Variants in PDE1A observed in about 807,000 individuals in gnomAD.
PDE1A encodes the protein phosphodiesterase 1A.
A neutral mutation model predicts 61.7 loss-of-function variants in PDE1A; 35 were observed. The ratio of observed to expected loss-of-function variants is 0.57; its 90% CI spans 0.43 to 0.75. The LOEUF is 0.75. PDE1A is among the 30% of genes least tolerant of loss of function. PDE1A has a pLI of 0.00. For missense variants in PDE1A, 597 were observed against 630.6 expected, an observed-to-expected ratio of 0.95 and a Z score of 0.57; for synonymous variants, 232 against 213.2, an observed-to-expected ratio of 1.09 and a Z score of -0.77.
At chr2:182,189,879 C>G (rs537639836) in intron 10 of PDE1A, among the ~76,000 whole-genome samples, 1 of 152,260 alleles carries the variant, frequency 6.6e-6, no homozygotes, top group Non-Finnish European at 1.5e-5. Flanking sequence ...CTTCCTTGTT[C>G]TTGTTCATTT....
At chr2:182,313,596 A>G (rs1379280116) in intron 1 of PDE1A, among the ~76,000 whole-genome samples, 1 of 152,168 alleles carries the variant, frequency 6.6e-6, no homozygotes, top group Non-Finnish European at 1.5e-5. Flanking sequence ...TCTAGTTGAC[A>G]CTTAATTTTA....
At chr2:182,707,604 TCC>T in the PDE1A span, among the ~76,000 whole-genome samples, 6 of 152,250 alleles carry the variant, frequency 3.9e-5, no homozygotes, top group African/African-American at 1.4e-4. Flanking sequence ...ATCTGAATGG[TCC>T]TATATCTAGC....
At chr2:182,382,785 A>AT (rs1399250536) in intron 1 of PDE1A, among the ~76,000 whole-genome samples, 2 of 152,026 alleles carry the variant, frequency 1.3e-5, no homozygotes, top group Non-Finnish European at 2.9e-5. Flanking sequence ...CTTAACATCT[A>AT]TTTTTTTCTA....
the PDE1A span, among the ~76,000 whole-genome samples, chr2:182,638,336 C>T: frequency 1.3e-5 from 2 of 151,992 alleles, no homozygotes; most frequent in East Asian, 3.9e-4. Flanking sequence ...GTCAGAAGTT[C>T]GAGACCAGCC....
chr2:182,197,302 C>A (rs1172281167), intron 10 of PDE1A, among the ~76,000 whole-genome samples: 1 of 151,686 alleles, frequency 6.6e-6, no homozygotes, highest in African/African-American at 2.4e-5. Context: ...CAATTGGACA[C>A]AAGTCCTTGG....
chr2:182,631,328 C>CT, the PDE1A span, among the ~76,000 whole-genome samples: 2 of 151,568 alleles, frequency 1.3e-5, no homozygotes, highest in African/African-American at 4.9e-5. Flanking sequence ...TATTATTATA[C>CT]TTTAAGTTTT....
chr2:182,679,188 A>ATTTTTTT, the PDE1A span, among the ~76,000 whole-genome samples: 1 of 141,698 alleles, frequency 7.1e-6, no homozygotes, highest in African/African-American at 2.8e-5. Flanking sequence ...TATTATTATT[A>ATTTTTTT]TTATTTTTTT....
chr2:182,491,549 A>G (rs1195596695), intron 2 of PDE1A, among the ~76,000 whole-genome samples: 1 of 152,170 alleles, frequency 6.6e-6, no homozygotes, highest in Non-Finnish European at 1.5e-5. Flanking sequence ...GGTCACTTGA[A>G]ATTTAGATTT....
chr2:182,405,066 T>C (rs943486926), intron 1 of PDE1A, among the ~76,000 whole-genome samples: 12 of 152,224 alleles, frequency 7.9e-5, no homozygotes, highest in African/African-American at 2.9e-4. Context: ...ATGTGAGTAA[T>C]GCATTGTGCT....
the PDE1A span, among the ~76,000 whole-genome samples, chr2:182,596,354 C>A: frequency 6.6e-6 from 1 of 152,086 alleles, no homozygotes; most frequent in African/African-American, 2.4e-5. Context: ...AGGGCATGCA[C>A]CCACAGACTC....
the PDE1A span, among the ~76,000 whole-genome samples, chr2:182,562,663 C>T: frequency 3.3e-5 from 5 of 151,872 alleles, no homozygotes; most frequent in East Asian, 9.7e-4. Flanking sequence ...TGGTAGAATT[C>T]GGCTGTGAAT....
intron 1 of PDE1A, among the ~76,000 whole-genome samples, chr2:182,391,340 A>C (rs560836814): frequency 5.7e-4 from 86 of 152,142 alleles, no homozygotes; most frequent in African/African-American, 2.0e-3. Context: ...ACGTTCTAAT[A>C]GTTTATTTGC....
chr2:182,417,549 T>C (rs1053167053), intron 1 of PDE1A, among the ~76,000 whole-genome samples: 2 of 152,212 alleles, frequency 1.3e-5, no homozygotes, highest in Admixed American at 6.5e-5. Flanking sequence ...TAAAAAAGCA[T>C]TGAAGATTTT....
At chr2:182,449,075 CACACACACACAA>C (rs1377290623) in intron 2 of PDE1A, among the ~76,000 whole-genome samples, 3 of 151,028 alleles carry the variant, frequency 2.0e-5, no homozygotes, top group East Asian at 2.0e-4. Flanking sequence ...CACACACACA[CACACACACACAA>C]ACAAAACCCA....
At chr2:182,150,214 A>G (rs1690703920) in intron 13 of PDE1A, among the ~76,000 whole-genome samples, 1 of 152,208 alleles carries the variant, frequency 6.6e-6, no homozygotes, top group African/African-American at 2.4e-5. Context: ...ATTTCAGTTA[A>G]AGACTAGTAA....
the PDE1A span, among the ~76,000 whole-genome samples, chr2:182,613,508 G>A: frequency 6.6e-6 from 1 of 151,506 alleles, no homozygotes; most frequent in Non-Finnish European, 1.5e-5. Flanking sequence ...GCTTGCAGTT[G>A]GCCAAGATTG....
the PDE1A span, among the ~76,000 whole-genome samples, chr2:182,626,758 TATAC>T: frequency 3.0e-4 from 3 of 9,986 alleles, no homozygotes; most frequent in African/African-American, 8.0e-4. Context: ...CATATATATA[TATAC>T]ATATATATAC....
intron 13 of PDE1A, among the ~76,000 whole-genome samples, chr2:182,158,454 A>T (rs1691211846): frequency 6.6e-6 from 1 of 152,100 alleles, no homozygotes. Flanking sequence ...TTTGTTTATT[A>T]CTGATGTATT....
the PDE1A span, among the ~76,000 whole-genome samples, chr2:182,631,195 T>G: frequency 4.6e-5 from 7 of 152,106 alleles, no homozygotes; most frequent in South Asian, 1.4e-3. Flanking sequence ...TCTGAAGCCC[T>G]TAGAACCAGG....
Sources: allele counts gnomAD v4.1 joint callset (sites outside exome capture counted in the v4.1 genomes callset), GRCh38; gene constraint gnomAD v4.1.1; transcripts MANE v1.5; gene names NCBI Gene and HGNC (gene_info 2026-07-23, HGNC 2026-07-21).